Variants in NPC1 observed in about 807,000 individuals in gnomAD.
The protein encoded by NPC1 is Niemann-Pick C1 protein.
A neutral mutation model predicts 140.4 loss-of-function variants in NPC1; 85 were observed. The ratio of observed to expected loss-of-function variants is 0.61; its 90% CI spans 0.51 to 0.72. The LOEUF (loss-of-function observed/expected upper bound fraction) is 0.72. Ranked by LOEUF, NPC1 falls within the 30% of genes least tolerant of loss-of-function variation. The pLI, the probability that NPC1 is intolerant of heterozygous loss-of-function variation, is 0.00. For missense variants in NPC1, 1,504 were observed against 1,623.8 expected (o/e 0.93, Z 1.27); for synonymous variants, 656 against 624.8 (o/e 1.05, Z -0.74).
intron 10 of NPC1, among the ~76,000 whole-genome samples, chr18:23,548,981 A>AT (rs1440171369): frequency 1.3e-5 from 2 of 151,880 alleles, no homozygotes; most frequent in African/African-American, 4.8e-5. Flanking sequence ...TAGAGATGGG[A>AT]TTTTGTCATG....
Position 23,532,014 on chromosome 18 carries a change from C to A in NPC1, c.*188G>T. On this transcript the variant is annotated 3_prime_UTR_variant, in exon 25 of 25. Coordinates refer to ENST00000269228, the MANE Select transcript of NPC1 (RefSeq NM_000271.5). ...TAGTGTCCTGTGGTTGCCTCCAGAT[C>A]TAGTAATACTGCTTCCCAAGTCAAC... 1 of 1,505,290 alleles carries A rather than the reference C, an allele frequency of 6.6e-7. No homozygotes were observed. The highest frequency in any genetic ancestry group is 8.8e-7 in the Non-Finnish European group (1 of 1,130,550). The allele number at this position is 1,505,290 out of a possible 1,614,324, so 93.2% of individuals were successfully genotyped here. A position where few individuals can be genotyped will look rare whatever the true frequency, so the allele number is the denominator to read the frequency against.
downstream of NPC1, among the ~76,000 whole-genome samples, chr18:23,526,396 G>A (rs2058298527): frequency 6.6e-6 from 1 of 152,176 alleles, no homozygotes; most frequent in South Asian, 2.1e-4. Context: ...GAGGTTACTT[G>A]GAAAAGAGTC....
At chr18:23,537,017 C>A in intron 20 of NPC1, 141 bp from the exon 21 acceptor site, 1 of 718,390 alleles carries the variant, frequency 1.4e-6, no homozygotes, top group Non-Finnish European at 2.5e-6. Flanking sequence ...ATGAAGAAGG[C>A]CCCCAGATAA....
At chr18:23,545,250 T>C in intron 11 of NPC1, 101 bp from the exon 12 acceptor site, 1 of 914,292 alleles carries the variant, frequency 1.1e-6, no homozygotes, top group East Asian at 2.6e-5. Context: ...CGTTTTCTTT[T>C]TTTTGGTTTT....
At chr18:23,573,754 C>T (rs2059236102) in intron 1 of NPC1, among the ~76,000 whole-genome samples, 180 bp from the exon 2 acceptor site, 2 of 152,120 alleles carry the variant, frequency 1.3e-5, no homozygotes, top group Admixed American at 1.3e-4. Flanking sequence ...GCCTATTTGT[C>T]AAGTCAGTGA....
chr18:23,559,121 G>A (rs963021201), intron 6 of NPC1, among the ~76,000 whole-genome samples: 3 of 152,002 alleles, frequency 2.0e-5, no homozygotes, highest in African/African-American at 7.2e-5. Flanking sequence ...CCAGTCTATC[G>A]TTGTTGGACA....
Position 23,531,948 on chromosome 18 carries a change from C to T in NPC1, c.*254G>A, listed in dbSNP as rs192392700. 95 of 1,444,720 alleles carry T rather than the reference C, an allele frequency of 6.6e-5. No homozygotes were observed. The highest frequency in any genetic ancestry group is 8.2e-5 in the Non-Finnish European group (91 of 1,106,562). 89.5% of individuals were successfully genotyped at this position (1,444,720 alleles called of 1,614,324 possible). ...CCATCTAGTGTCACCTCCTGCTTGC[C>T]AAAGAATGAGGTTTCTTTCCTGAAG... On this transcript the variant is annotated 3_prime_UTR_variant, in exon 25 of 25. Coordinates refer to ENST00000269228, the MANE Select transcript of NPC1 (RefSeq NM_000271.5).
Position 23,540,016 on chromosome 18 carries a change from A to G in NPC1, c.2605-15T>C. ...ATGTAGGAGTCCTGAAAGAAAGATA[A>G]AAGAATAGGAGAGAGTGTGAACACT... On this transcript the variant is annotated splice_polypyrimidine_tract_variant and intron_variant, in intron 17 of 24. Coordinates refer to ENST00000269228, the MANE Select transcript of NPC1 (RefSeq NM_000271.5). The G allele has an allele frequency of 1.2e-6, 2 of 1,606,166 alleles. No individual in the cohort carries two copies. Among genetic ancestry groups the G allele is most frequent in the Non-Finnish European group, 1.7e-6 (2 of 1,172,920 alleles).
chr18:23,566,295 G>A (rs2059122160), intron 4 of NPC1, among the ~76,000 whole-genome samples: 1 of 152,228 alleles, frequency 6.6e-6, no homozygotes, highest in Middle Eastern at 3.4e-3. Context: ...TACCCAGGGG[G>A]ACTACTTGAA....
chr18:23,535,387 G>A lies in NPC1; in HGVS notation c.3477+82C>T. Reference sequence around the variant, plus strand: ...GACTTGGTATCTTACTCCATCTTTAGGGTTTACATGGAATCTAAGACAGCC... The same window carrying A: ...GACTTGGTATCTTACTCCATCTTTAAGGTTTACATGGAATCTAAGACAGCC... On this transcript the variant is annotated intron_variant, in intron 22 of 24. Coordinates refer to ENST00000269228, the MANE Select transcript of NPC1 (RefSeq NM_000271.5). The A allele has an allele frequency of 3.0e-6, 3 of 986,086 alleles. No individual in the cohort carries two copies. The South Asian group carries it at 4.1e-5, about 14-fold the overall frequency. The allele number at this position is 986,086 out of a possible 1,614,324, so 61.1% of individuals were successfully genotyped here.
chr18:23,548,681 T>A (rs1050296767), intron 10 of NPC1, among the ~76,000 whole-genome samples: 15 of 152,222 alleles, frequency 9.9e-5, no homozygotes, highest in South Asian at 2.1e-4. Context: ...CCCCCCCAAC[T>A]GATGAGTAGT....
chr18:23,544,866 A>G, intron 12 of NPC1, 94 bp downstream of exon 12: 1 of 924,606 alleles, frequency 1.1e-6, no homozygotes. Context: ...GCAGTTTTAA[A>G]CATAATGGAA....
chr18:23,518,871 CTGTT>C (rs762492126), downstream of NPC1: 1 of 1,610,622 alleles, frequency 6.2e-7, no homozygotes, highest in African/African-American at 1.3e-5. Context: ...TGATTTATGT[CTGTT>C]TGTTCCCTAA....
chr18:23,519,334 A>G (rs1335613148), downstream of NPC1, among the ~76,000 whole-genome samples: 2 of 152,146 alleles, frequency 1.3e-5, no homozygotes, highest in African/African-American at 4.8e-5. Flanking sequence ...CCTGAGCAGC[A>G]TGGCAAAACC....
At chr18:23,529,362 C>G, downstream of NPC1, 1 of 1,556,512 alleles carries the variant, frequency 6.4e-7, no homozygotes, top group South Asian at 1.2e-5. Context: ...TTGCTGAAAA[C>G]GAGGAGACTT....
intron 20 of NPC1, 113 bp from the exon 21 acceptor site, chr18:23,536,989 C>G (rs538810349): frequency 1.2e-6 from 1 of 806,200 alleles, no homozygotes; most frequent in Non-Finnish European, 2.1e-6. Context: ...AGGTCAGACC[C>G]AGCTGTACAT....
chr18:23,576,431 G>A (rs749167711), intron 1 of NPC1: 95 of 980,678 alleles, frequency 9.7e-5, no homozygotes, highest in Non-Finnish European at 1.1e-4. Flanking sequence ...CAAAAAAAAA[G>A]TCATCCTGCC....
intron 10 of NPC1, among the ~76,000 whole-genome samples, chr18:23,551,018 G>A (rs1412094575): frequency 2.6e-5 from 4 of 152,168 alleles, no homozygotes; most frequent in African/African-American, 9.7e-5. Flanking sequence ...ATTCTTAACT[G>A]GTTGGGCAAA....
intron 4 of NPC1, among the ~76,000 whole-genome samples, chr18:23,567,723 T>C (rs1182142156): frequency 6.6e-6 from 1 of 152,152 alleles, no homozygotes; most frequent in Non-Finnish European, 1.5e-5. Context: ...GGGAGGAGGG[T>C]TAGCTTCAAC....
Sources: gnomAD v4.1 joint callset for allele counts (sites outside exome capture counted in the v4.1 genomes callset) on GRCh38, gnomAD v4.1.1 for gene constraint, MANE v1.5 for transcripts, NCBI Gene and HGNC (gene_info 2026-07-23, HGNC 2026-07-21) for gene names.